The following GRID1 variants were observed in gnomAD, a reference collection of about 807,000 sequenced individuals.
GRID1 encodes the protein glutamate receptor ionotropic, delta-1.
In GRID1, 28 loss-of-function variants were observed where a neutral mutation model predicts 98.0. The ratio of observed to expected loss-of-function variants is 0.29; its 90% CI spans 0.21 to 0.39. The LOEUF (loss-of-function observed/expected upper bound fraction) is 0.39, where lower values mean the gene tolerates loss of function less well. GRID1 is among the 10% of genes least tolerant of loss of function. GRID1 has a pLI of 1.00. For synonymous variants in GRID1, 553 were observed against 538.5 expected, an observed-to-expected ratio of 1.03 and a Z score of -0.37; for missense variants, 1,111 against 1,340.5, an observed-to-expected ratio of 0.83 and a Z score of 2.67.
chr10:86,108,512 C>T (rs1218793694), intron 4 of GRID1, among the ~76,000 whole-genome samples: 1 of 152,170 alleles, frequency 6.6e-6, no homozygotes, highest in Non-Finnish European at 1.5e-5. Flanking sequence ...CATGCACATA[C>T]ACATGCACAC....
chr10:85,625,503 T>C (rs896950010), intron 13 of GRID1, among the ~76,000 whole-genome samples: 13 of 152,310 alleles, frequency 8.5e-5, no homozygotes, highest in African/African-American at 3.1e-4. Context: ...ATGCAGGAAC[T>C]TTAGTGAAAG....
chr10:86,232,024 T>G (rs1181667774), intron 2 of GRID1, among the ~76,000 whole-genome samples: 1 of 152,114 alleles, frequency 6.6e-6, no homozygotes, highest in Non-Finnish European at 1.5e-5. Context: ...TCCCAGAGAC[T>G]GGGGTACCCT....
intron 8 of GRID1, among the ~76,000 whole-genome samples, chr10:85,806,260 A>G (rs1189440175): frequency 6.6e-6 from 1 of 152,138 alleles, no homozygotes; most frequent in Non-Finnish European, 1.5e-5. Flanking sequence ...GAAAACACAA[A>G]TACCACTATA....
At chr10:85,785,898 A>G (rs1307990257) in intron 8 of GRID1, among the ~76,000 whole-genome samples, 1 of 151,822 alleles carries the variant, frequency 6.6e-6, no homozygotes. Flanking sequence ...CCACACCCAC[A>G]CACTACACAC....
In GRID1 at chr10:85,720,451, T is replaced by C. The variant is rs139432819; in HGVS notation, c.1997+2552A>G. ...TACGCTATAGCTACTGTAATCATGATAGTATGGTGTTGGCAAAGGGACAAT... is the reference window on the plus strand; with the variant it reads ...TACGCTATAGCTACTGTAATCATGACAGTATGGTGTTGGCAAAGGGACAAT... On this transcript the variant is annotated intron_variant, in intron 12 of 15. Coordinates refer to ENST00000327946, the MANE Select transcript of GRID1 (RefSeq NM_017551.3). Among the ~76,000 whole-genome samples, 8 of 152,248 alleles carry C rather than the reference T, an allele frequency of 5.3e-5. No individual in the cohort carries two copies. The East Asian group carries it at 9.7e-4, about 18-fold the overall frequency.
rs771418842 is a variant in GRID1 at position 85,983,851 on chromosome 10, G to T, written c.727-67612C>A. Among the ~76,000 whole-genome samples the T allele has an allele frequency of 5.3e-5, 8 of 152,270 alleles. 1 individual carries two copies. The highest frequency in any genetic ancestry group is 6.8e-3 in the Middle Eastern group (2 of 294). On this transcript the variant is annotated intron_variant, in intron 4 of 15. Coordinates refer to ENST00000327946, the MANE Select transcript of GRID1 (RefSeq NM_017551.3). ...GGACCAAGACTCACCATGGGGTCAT[G>T]AGCTTGGGGGTTGCTAAAGAAAAGG...
chr10:85,652,388 T>C (rs148035683), intron 12 of GRID1, among the ~76,000 whole-genome samples: 1 of 152,234 alleles, frequency 6.6e-6, no homozygotes, highest in African/African-American at 2.4e-5. Flanking sequence ...AGAATCAATA[T>C]TCAGTATACG....
intron 8 of GRID1, among the ~76,000 whole-genome samples, chr10:85,773,813 T>A (rs375433880): frequency 6.6e-6 from 1 of 152,054 alleles, no homozygotes; most frequent in East Asian, 1.9e-4. Context: ...CACTGCTCAA[T>A]GAAATGAAAG....
chr10:85,784,785 C>T (rs1184177472), intron 8 of GRID1, among the ~76,000 whole-genome samples: 1 of 152,192 alleles, frequency 6.6e-6, no homozygotes, highest in African/African-American at 2.4e-5. Flanking sequence ...ACGAGGTGTG[C>T]ATGCTCTATG....
chr10:85,705,048 C>T (rs148107143), intron 12 of GRID1, among the ~76,000 whole-genome samples: 4,181 of 152,168 alleles, frequency 0.027, 172 homozygotes, highest in African/African-American at 0.095. Context: ...CCTAACATCA[C>T]AATTAAAAGA....
chr10:85,962,939 C>T (rs923493180), intron 4 of GRID1, among the ~76,000 whole-genome samples: 1 of 152,124 alleles, frequency 6.6e-6, no homozygotes, highest in Non-Finnish European at 1.5e-5. Flanking sequence ...GAAAGACAGG[C>T]ACATAAATGG....
At chr10:85,683,259 A>G (rs958994332) in intron 12 of GRID1, among the ~76,000 whole-genome samples, 1 of 152,246 alleles carries the variant, frequency 6.6e-6, no homozygotes, top group African/African-American at 2.4e-5. Context: ...GAAGATGATT[A>G]TCTCTTACAG....
intron 4 of GRID1, among the ~76,000 whole-genome samples, chr10:85,967,861 A>G (rs1041594127): frequency 2.0e-5 from 3 of 152,186 alleles, no homozygotes; most frequent in Non-Finnish European, 4.4e-5. Flanking sequence ...TAGTAAGATG[A>G]CATGTTCAAA....
In GRID1 at chr10:86,346,403, G is replaced by C. The variant is rs78929948; in HGVS notation, c.235+17538C>G. 1.3e-3 allele frequency among the ~76,000 whole-genome samples: 196 copies of C among 152,344 alleles called. 4 individuals carry two copies. In the East Asian group the frequency reaches 0.03, roughly 23 times the overall value. On this transcript the variant is annotated intron_variant, in intron 2 of 15. Transcript: ENST00000327946. ...GCTGCCATAGCCTTATCTCTGCCCA[G>C]GCCTGTGTTTGGAGGGCAGCTGGGT...
intron 4 of GRID1, among the ~76,000 whole-genome samples, chr10:86,059,774 A>G (rs189355639): frequency 6.6e-6 from 1 of 152,316 alleles, no homozygotes; most frequent in East Asian, 1.9e-4. Flanking sequence ...TGACCTTAGA[A>G]TTACAAGCTG....
chr10:85,775,443 T>C (rs903221844), intron 8 of GRID1, among the ~76,000 whole-genome samples: 2 of 151,996 alleles, frequency 1.3e-5, no homozygotes, highest in African/African-American at 4.8e-5. Flanking sequence ...AACCTGCACA[T>C]TGTGCACATG....
At chr10:86,103,410 A>G (rs1211334163) in intron 4 of GRID1, among the ~76,000 whole-genome samples, 1 of 152,166 alleles carries the variant, frequency 6.6e-6, no homozygotes, top group Non-Finnish European at 1.5e-5. Context: ...TGAGGCCCGC[A>G]GTTCCCTGCC....
At chr10:85,820,198 A>G (rs1046876888) in intron 8 of GRID1, among the ~76,000 whole-genome samples, 1 of 151,930 alleles carries the variant, frequency 6.6e-6, no homozygotes, top group Non-Finnish European at 1.5e-5. Flanking sequence ...CTTCTGATAC[A>G]CTCAAAATGA....
intron 4 of GRID1, among the ~76,000 whole-genome samples, chr10:85,974,985 A>G (rs906890937): frequency 9.2e-5 from 14 of 152,318 alleles, no homozygotes; most frequent in Admixed American, 3.9e-4. Context: ...CATGTGTTTA[A>G]AGTTACACAT....
Sources: gnomAD v4.1 joint callset for allele counts (sites outside exome capture counted in the v4.1 genomes callset) on GRCh38, gnomAD v4.1.1 for gene constraint, MANE v1.5 for transcripts, NCBI Gene and HGNC (gene_info 2026-07-23, HGNC 2026-07-21) for gene names.